Variants in TMEM156 observed in about 807,000 individuals in gnomAD.
TMEM156 encodes the protein transmembrane protein 156.
In TMEM156, 28 loss-of-function variants were observed where a neutral mutation model predicts 30.5. The observed-to-expected ratio is 0.92, with a 90% confidence interval of 0.68 to 1.26. The LOEUF (loss-of-function observed/expected upper bound fraction) is 1.26, where lower values mean the gene tolerates loss of function less well. TMEM156 is among the 50% of genes most tolerant of loss of function. The probability of loss-of-function intolerance (pLI) is 0.00; values close to 1 mark genes in which losing one functional copy is unlikely to be tolerated. For synonymous variants in TMEM156, 137 were observed against 119.9 expected (o/e 1.14, Z -0.93); for missense variants, 351 against 340.6 (o/e 1.03, Z -0.24).
intron 4 of TMEM156, among the ~76,000 whole-genome samples, chr4:38,987,251 A>G (rs1712074440): frequency 6.6e-6 from 1 of 152,224 alleles, no homozygotes; most frequent in African/African-American, 2.4e-5. Context: ...TAGTTCTGAC[A>G]TTTTACTAGC....
In TMEM156 at chr4:38,967,359, T is replaced by TA. The variant is rs1429363736; in HGVS notation, c.*320_*321insT. ...CCACTCTGTGCTGTATAATGATAGA[T>TA]TTTTTTTAAGAAGAGAGAGAGTGGG... On this transcript the variant is annotated 3_prime_UTR_variant, in exon 7 of 7. Transcript: ENST00000381938. The TA allele has an allele frequency of 6.6e-6, 1 of 152,100 alleles. No homozygotes were observed. The highest frequency in any genetic ancestry group is 1.9e-4 in the East Asian group (1 of 5,190). The allele number at this position is 152,100 out of a possible 1,614,324, so 9.4% of individuals were successfully genotyped here. A position where few individuals can be genotyped will look rare whatever the true frequency, so the allele number is the denominator to read the frequency against.
chr4:39,032,147 G>T, intron 1 of TMEM156, 79 bp downstream of exon 1: 1 of 864,396 alleles, frequency 1.2e-6, no homozygotes, highest in East Asian at 2.7e-5. Context: ...TCCAAAAAGA[G>T]GATCTTTTCT....
chr4:38,990,830 G>GTTTCTT lies in TMEM156; in HGVS notation c.620-1861_620-1860insAAGAAA, dbSNP rs1553878600. Among the ~76,000 whole-genome samples, 99 of 81,208 alleles carry GTTTCTT rather than the reference G, an allele frequency of 1.2e-3. 5 individuals carry two copies. Among genetic ancestry groups the GTTTCTT allele is most frequent in the Admixed American group, 2.0e-3 (14 of 6,884 alleles). 53.3% of individuals were successfully genotyped at this position (81,208 alleles called of 152,430 possible). On this transcript the variant is annotated intron_variant, in intron 3 of 6. Coordinates refer to ENST00000381938, the MANE Select transcript of TMEM156 (RefSeq NM_024943.3). ...CTTTGTTTTTTTGGTTTGTTTTCTG[G>GTTTCTT]TTTTTTTTTTTTTTTTTTTTTTTGA...
chr4:38,995,036 C>A (rs886526723), intron 2 of TMEM156, among the ~76,000 whole-genome samples: 3 of 152,104 alleles, frequency 2.0e-5, no homozygotes, highest in Admixed American at 2.0e-4. Context: ...GAGGGCTGAG[C>A]CCCTCTCCTA....
chr4:39,026,025 A>G (rs1715181843), intron 1 of TMEM156, among the ~76,000 whole-genome samples: 1 of 152,210 alleles, frequency 6.6e-6, no homozygotes, highest in Admixed American at 6.5e-5. Flanking sequence ...AATATGACAG[A>G]CACTCTCTTA....
intron 5 of TMEM156, among the ~76,000 whole-genome samples, chr4:38,974,302 T>C (rs557386951): frequency 1.1e-4 from 16 of 151,138 alleles, no homozygotes; most frequent in Non-Finnish European, 2.4e-4. Context: ...ACTCCTGGGC[T>C]CAAGCAGTCC....
chr4:38,993,485 A>G (rs1475799662), intron 3 of TMEM156, among the ~76,000 whole-genome samples: 4 of 152,092 alleles, frequency 2.6e-5, no homozygotes, highest in Admixed American at 2.6e-4. Flanking sequence ...TCTGAGGCAG[A>G]AGGTCTTTCC....
intron 1 of TMEM156, among the ~76,000 whole-genome samples, chr4:39,014,568 G>A (rs1398166245): frequency 6.6e-6 from 1 of 152,048 alleles, no homozygotes. Flanking sequence ...AGGCCAGCCT[G>A]GCCAACATGG....
chr4:38,998,475 T>C, intron 2 of TMEM156, 165 bp downstream of exon 2: 1 of 437,398 alleles, frequency 2.3e-6, no homozygotes. Flanking sequence ...ACCTGGGAGG[T>C]GGAGGTTGCA....
At chr4:39,018,743 G>A (rs574029311) in intron 1 of TMEM156, among the ~76,000 whole-genome samples, 56 of 152,146 alleles carry the variant, frequency 3.7e-4, no homozygotes, top group African/African-American at 1.2e-3. Context: ...TCTCTTGGCC[G>A]GGCACGATGG....
intron 1 of TMEM156, among the ~76,000 whole-genome samples, chr4:39,012,082 G>C (rs1714163011): frequency 6.6e-6 from 1 of 152,062 alleles, no homozygotes; most frequent in South Asian, 2.1e-4. Flanking sequence ...TCACCACTTG[G>C]GCAATGGGAT....
chr4:39,015,074 T>G (rs1714390886), intron 1 of TMEM156, among the ~76,000 whole-genome samples: 1 of 152,218 alleles, frequency 6.6e-6, no homozygotes, highest in African/African-American at 2.4e-5. Context: ...TGTTTCAAAT[T>G]TATTGACATA....
intron 5 of TMEM156, among the ~76,000 whole-genome samples, chr4:38,976,289 CAAAAAAAAAA>C (rs34271253): frequency 2.7e-5 from 2 of 74,322 alleles, no homozygotes; most frequent in Non-Finnish European, 5.0e-5. Context: ...GACTCCGTCT[CAAAAAAAAAA>C]AAAAAAAAAA....
At chr4:38,987,142 T>G (rs1712067637) in intron 4 of TMEM156, among the ~76,000 whole-genome samples, 1 of 152,202 alleles carries the variant, frequency 6.6e-6, no homozygotes, top group South Asian at 2.1e-4. Flanking sequence ...GCTTTTCATA[T>G]GGGAAAATGG....
intron 5 of TMEM156, among the ~76,000 whole-genome samples, chr4:38,973,484 T>C (rs1722703251): frequency 6.6e-6 from 1 of 152,202 alleles, no homozygotes; most frequent in Admixed American, 6.5e-5. Context: ...AAATACAGTG[T>C]ATCCTCTAAC....
At chr4:38,978,191 T>A (rs13435555) in intron 5 of TMEM156, among the ~76,000 whole-genome samples, 19,409 of 152,214 alleles carry the variant, frequency 0.13, 2,000 homozygotes, top group African/African-American at 0.29. Flanking sequence ...CATTTTTTTT[T>A]ATTCTCTTAT....
chr4:38,999,322 G>A (rs1040158399), intron 1 of TMEM156, among the ~76,000 whole-genome samples: 4 of 151,838 alleles, frequency 2.6e-5, no homozygotes, highest in Admixed American at 6.6e-5. Context: ...GAGCCATGGT[G>A]CCCAGCAACA....
chr4:39,012,589 T>C (rs1257241804), intron 1 of TMEM156, among the ~76,000 whole-genome samples: 2 of 152,192 alleles, frequency 1.3e-5, no homozygotes, highest in East Asian at 1.9e-4. Flanking sequence ...GCGGATCACC[T>C]GAGGTCAGGA....
At chr4:39,030,447 C>T (rs536807285) in intron 1 of TMEM156, among the ~76,000 whole-genome samples, 3 of 152,290 alleles carry the variant, frequency 2.0e-5, no homozygotes, top group African/African-American at 7.2e-5. Flanking sequence ...CTTTCTTCTA[C>T]CTACCAATAG....
Sources: allele counts gnomAD v4.1 joint callset (sites outside exome capture counted in the v4.1 genomes callset), GRCh38; gene constraint gnomAD v4.1.1; transcripts MANE v1.5; gene names NCBI Gene and HGNC (gene_info 2026-07-23, HGNC 2026-07-21).